Variants in PPM1B observed in about 807,000 individuals in gnomAD.
PPM1B encodes protein phosphatase 1B.
PPM1B carries 22 observed loss-of-function variants against 43.0 expected under a neutral mutation model. The ratio of observed to expected loss-of-function variants is 0.51; its 90% CI spans 0.37 to 0.73. The LOEUF (loss-of-function observed/expected upper bound fraction) is 0.73. PPM1B is among the 30% of genes least tolerant of loss of function. The pLI, the probability that PPM1B is intolerant of heterozygous loss-of-function variation, is 0.00. For missense variants in PPM1B, 632 were observed against 584.2 expected (o/e 1.08, Z -0.84); for synonymous variants, 217 against 197.9 (o/e 1.10, Z -0.81).
chr2:44,185,329 G>C (rs1010305710), intron 1 of PPM1B, among the ~76,000 whole-genome samples: 1 of 152,086 alleles, frequency 6.6e-6, no homozygotes, highest in African/African-American at 2.4e-5. Context: ...AGTTGATTAA[G>C]TGGTAATTTT....
At chr2:44,169,962 C>T (rs549900900) in intron 1 of PPM1B, among the ~76,000 whole-genome samples, 1 of 152,264 alleles carries the variant, frequency 6.6e-6, no homozygotes, top group South Asian at 2.1e-4. Context: ...GACTGACTAG[C>T]CATATGTGGT....
intron 1 of PPM1B, among the ~76,000 whole-genome samples, chr2:44,181,531 A>G (rs1001699972): frequency 7.2e-5 from 11 of 152,216 alleles, no homozygotes; most frequent in South Asian, 2.1e-4. Context: ...TAGATAATCA[A>G]TGCATTATGT....
chr2:44,243,782 CTTA>C (rs1670800021), intron 5 of PPM1B, among the ~76,000 whole-genome samples: 1 of 152,046 alleles, frequency 6.6e-6, no homozygotes, highest in African/African-American at 2.4e-5. Flanking sequence ...GAAAATGCCC[CTTA>C]TTATTCTACA....
chr2:44,181,018 C>T (rs1027657248), intron 1 of PPM1B, among the ~76,000 whole-genome samples: 2 of 152,096 alleles, frequency 1.3e-5, no homozygotes, highest in Non-Finnish European at 2.9e-5. Flanking sequence ...GATCACAGCT[C>T]ACTGCAGCCT....
At chr2:44,184,167 G>A (rs1668017128) in intron 1 of PPM1B, among the ~76,000 whole-genome samples, 1 of 152,358 alleles carries the variant, frequency 6.6e-6, no homozygotes, top group East Asian at 1.9e-4. Flanking sequence ...AGGATTAAAT[G>A]AGTTCATGCC....
At position 44,230,845 on chromosome 2, in the gene PPM1B, C is replaced by G. The variant is rs536438735; in HGVS notation, c.*127C>G. 2 of 1,437,824 alleles carry G rather than the reference C, an allele frequency of 1.4e-6. No homozygotes were observed. Among genetic ancestry groups the G allele is most frequent in the African/African-American group, 2.9e-5 (2 of 69,298 alleles). The allele number at this position is 1,437,824 out of a possible 1,614,324, so 89.1% of individuals were successfully genotyped here. A position where few individuals can be genotyped will look rare whatever the true frequency, so the allele number is the denominator to read the frequency against. On this transcript the variant is annotated 3_prime_UTR_variant, in exon 6 of 6. Transcript: ENST00000282412. ...ACTAGTTTTATTATATTCAGATAGC[C>G]TTGTTTTTTAAAAAGGCCTTTGCAT...
intron 1 of PPM1B, among the ~76,000 whole-genome samples, chr2:44,192,939 A>G (rs984719374): frequency 4.6e-5 from 7 of 152,188 alleles, no homozygotes; most frequent in South Asian, 2.1e-4. Flanking sequence ...TTGTGTATAT[A>G]TACACCACAT....
chr2:44,173,424 C>T (rs1042692778), intron 1 of PPM1B, among the ~76,000 whole-genome samples: 1 of 151,428 alleles, frequency 6.6e-6, no homozygotes, highest in African/African-American at 2.4e-5. Context: ...TTCTTTTTTG[C>T]CCCTCGAGAT....
At chr2:44,188,389 CTTTCTTTTTTTTT>C (rs1326634533) in intron 1 of PPM1B, among the ~76,000 whole-genome samples, 184 of 118,732 alleles carry the variant, frequency 1.5e-3, no homozygotes, top group African/African-American at 5.7e-3. Context: ...TTCTTTCTTT[CTTTCTTTTTTTTT>C]TTTTTTTTTT....
downstream of PPM1B, chr2:44,234,222 T>TA (rs201056847): frequency 0.014 from 13,326 of 983,056 alleles, 103 homozygotes; most frequent in Middle Eastern, 0.025. Flanking sequence ...ATACTCCTTT[T>TA]AAAAAAACCT....
chr2:44,238,505 C>T (rs922683866), downstream of PPM1B, among the ~76,000 whole-genome samples: 2 of 151,870 alleles, frequency 1.3e-5, no homozygotes, highest in Non-Finnish European at 2.9e-5. Context: ...AGTTAGAGAC[C>T]GGCCTGGCCA....
chr2:44,225,874 T>C (rs1670185956), intron 5 of PPM1B, among the ~76,000 whole-genome samples: 1 of 151,970 alleles, frequency 6.6e-6, no homozygotes, highest in Non-Finnish European at 1.5e-5. Context: ...CAGGCTAGTC[T>C]CAAACTCCTG....
At chr2:44,238,405 A>G (rs1324023805), downstream of PPM1B, among the ~76,000 whole-genome samples, 1 of 152,174 alleles carries the variant, frequency 6.6e-6, no homozygotes, top group Non-Finnish European at 1.5e-5. Flanking sequence ...TATACTCTTG[A>G]AAGTTACTGG....
intron 5 of PPM1B, chr2:44,230,169 CTT>C: frequency 7.0e-7 from 1 of 1,426,814 alleles, no homozygotes; most frequent in Non-Finnish European, 9.1e-7. Flanking sequence ...TCAGATTAAA[CTT>C]TAAATGACTG....
At chr2:44,244,009 C>T (rs1356295504) in intron 5 of PPM1B, among the ~76,000 whole-genome samples, 1 of 113,326 alleles carries the variant, frequency 8.8e-6, no homozygotes, top group Non-Finnish European at 2.0e-5. Context: ...GTCCCCAGTA[C>T]AGTTTTGTAA....
chr2:44,205,235 A>G (rs544251621), intron 2 of PPM1B, among the ~76,000 whole-genome samples: 2 of 152,284 alleles, frequency 1.3e-5, no homozygotes, highest in South Asian at 4.1e-4. Flanking sequence ...CATAAGTCAT[A>G]TACTTGGTGA....
At chr2:44,202,346 A>AT (rs1668980367) in intron 2 of PPM1B, among the ~76,000 whole-genome samples, 1 of 152,202 alleles carries the variant, frequency 6.6e-6, no homozygotes, top group African/African-American at 2.4e-5. Context: ...GGCAGTAACC[A>AT]TCTTATGCCT....
intron 1 of PPM1B, among the ~76,000 whole-genome samples, chr2:44,176,524 G>A (rs144228330): frequency 9.9e-5 from 15 of 152,220 alleles, no homozygotes; most frequent in East Asian, 7.7e-4. Flanking sequence ...ATTACTTAAC[G>A]TCGTGCCTTT....
intron 4 of PPM1B, 51 bp from the exon 5 acceptor site, chr2:44,218,429 C>T: frequency 7.2e-7 from 1 of 1,384,450 alleles, no homozygotes; most frequent in Non-Finnish European, 1.0e-6. Flanking sequence ...TATTCACAAG[C>T]TTAAAATTCT....
Sources: allele counts gnomAD v4.1 joint callset (sites outside exome capture counted in the v4.1 genomes callset), GRCh38; gene constraint gnomAD v4.1.1; transcripts MANE v1.5; gene names NCBI Gene and HGNC (gene_info 2026-07-23, HGNC 2026-07-21).